The following ZNF723 variants were observed in gnomAD, a reference collection of about 807,000 sequenced individuals.
ZNF723 encodes the protein zinc finger protein 723, pseudogene.
ZNF723 carries 5 observed loss-of-function variants against 9.4 expected under a neutral mutation model. The ratio of observed to expected loss-of-function variants is 0.53; its 90% CI spans 0.28 to 1.12. The LOEUF (loss-of-function observed/expected upper bound fraction) is 1.12. ZNF723 is among the 50% of genes most tolerant of loss of function. The pLI is 0.10. For missense variants in ZNF723, 450 were observed against 501.5 expected, an observed-to-expected ratio of 0.90 and a Z score of 0.98; for synonymous variants, 158 against 168.8, an observed-to-expected ratio of 0.94 and a Z score of 0.49.
upstream of ZNF723, among the ~76,000 whole-genome samples, chr19:22,830,825 C>T (rs1439654012): frequency 6.6e-6 from 1 of 152,056 alleles, no homozygotes; most frequent in South Asian, 2.1e-4. Context: ...TGCAGTGGTG[C>T]GATCTTGGCT....
intron 2 of ZNF723, among the ~76,000 whole-genome samples, chr19:22,848,860 T>G (rs1451931011): frequency 6.6e-6 from 1 of 152,054 alleles, no homozygotes; most frequent in African/African-American, 2.4e-5. Context: ...GTTCAAGAGA[T>G]TCTCCAGCCT....
chr19:22,814,920 C>A, the ZNF723 span, among the ~76,000 whole-genome samples: 1 of 152,104 alleles, frequency 6.6e-6, no homozygotes, highest in African/African-American at 2.4e-5. Context: ...TTGGTCTCTG[C>A]CCAAGAACAG....
intron 1 of ZNF723, among the ~76,000 whole-genome samples, chr19:22,842,966 G>A (rs2169794): frequency 2.6e-5 from 4 of 151,956 alleles, no homozygotes; most frequent in African/African-American, 7.3e-5. Flanking sequence ...CTACAGTTAT[G>A]TGAGGGCCAC....
At chr19:22,840,861 C>T (rs1351338432) in intron 1 of ZNF723, 1 of 152,246 alleles carries the variant, frequency 6.6e-6, no homozygotes, top group African/African-American at 2.4e-5. Context: ...CTCCCATTCC[C>T]ATTATCGTGA....
At chr19:22,821,129 C>T in the ZNF723 span, among the ~76,000 whole-genome samples, 1 of 152,214 alleles carries the variant, frequency 6.6e-6, no homozygotes, top group Non-Finnish European at 1.5e-5. Context: ...GACGGTGACT[C>T]ATGTACTTGG....
chr19:22,850,396 G>A (rs1967377163), intron 3 of ZNF723, among the ~76,000 whole-genome samples: 1 of 150,040 alleles, frequency 6.7e-6, no homozygotes, highest in African/African-American at 2.5e-5. Flanking sequence ...TAGTAGAGCC[G>A]GGGTTTCACC....
chr19:22,852,967 A>G (rs1236243963), intron 3 of ZNF723, among the ~76,000 whole-genome samples: 2 of 151,870 alleles, frequency 1.3e-5, no homozygotes, highest in Non-Finnish European at 2.9e-5. Flanking sequence ...GTTGTTAAGA[A>G]TATTTTCTGC....
chr19:22,855,922 C>A (rs1182318746), intron 3 of ZNF723, among the ~76,000 whole-genome samples: 1 of 151,782 alleles, frequency 6.6e-6, no homozygotes, highest in East Asian at 1.9e-4. Flanking sequence ...TGAGCTTCTT[C>A]GTTTTTATTT....
intron 1 of ZNF723, chr19:22,841,055 G>A (rs533063606): frequency 6.6e-6 from 1 of 152,410 alleles, no homozygotes; most frequent in Admixed American, 6.5e-5. Flanking sequence ...AGAGGACATG[G>A]CCATCAGGAG....
the ZNF723 span, among the ~76,000 whole-genome samples, chr19:22,826,880 C>A: frequency 6.6e-6 from 1 of 152,158 alleles, no homozygotes; most frequent in South Asian, 2.1e-4. Context: ...AGATGAAGGG[C>A]TAATGTGAGT....
chr19:22,831,505 C>T (rs1967094290), upstream of ZNF723, among the ~76,000 whole-genome samples: 1 of 151,108 alleles, frequency 6.6e-6, no homozygotes, highest in Non-Finnish European at 1.5e-5. Context: ...TGCAGTGAGG[C>T]GAGACTGTTT....
chr19:22,829,410 G>A (rs1199050882), upstream of ZNF723, among the ~76,000 whole-genome samples: 2 of 151,364 alleles, frequency 1.3e-5, no homozygotes, highest in Non-Finnish European at 2.9e-5. Flanking sequence ...CTCAGCTTCT[G>A]GCGTAGCTGG....
the ZNF723 span, among the ~76,000 whole-genome samples, chr19:22,817,934 T>C: frequency 6.6e-6 from 1 of 152,116 alleles, no homozygotes; most frequent in African/African-American, 2.4e-5. Context: ...CCATTAGGAT[T>C]GATACTCTCA....
the ZNF723 span, among the ~76,000 whole-genome samples, chr19:22,819,328 T>C: frequency 6.6e-6 from 1 of 152,228 alleles, no homozygotes; most frequent in East Asian, 1.9e-4. Flanking sequence ...ATGACCTAGG[T>C]TACATGACTG....
upstream of ZNF723, among the ~76,000 whole-genome samples, chr19:22,830,041 G>GT (rs35701187): frequency 7.9e-4 from 119 of 150,148 alleles, 4 homozygotes; most frequent in South Asian, 0.021. Flanking sequence ...TTTCTCTAAA[G>GT]TTTTTTTTTT....
chr19:22,832,129 A>C (rs192012710), upstream of ZNF723, among the ~76,000 whole-genome samples: 16 of 152,164 alleles, frequency 1.1e-4, no homozygotes, highest in African/African-American at 3.6e-4. Flanking sequence ...TTAGGCTGTC[A>C]CTCTTTCTTC....
At chr19:22,832,225 A>T (rs373880107), upstream of ZNF723, 3 of 839,970 alleles carry the variant, frequency 3.6e-6, no homozygotes, top group East Asian at 7.7e-5. Flanking sequence ...GGGATGCTTG[A>T]CTAAGAGCCG....
At chr19:22,821,325 G>T in the ZNF723 span, among the ~76,000 whole-genome samples, 1 of 152,136 alleles carries the variant, frequency 6.6e-6, no homozygotes, top group Non-Finnish European at 1.5e-5. Flanking sequence ...CCTGGTGCAA[G>T]CATCTAAGGT....
In ZNF723 at chr19:22,857,864, C is replaced by G; in HGVS notation, c.973C>G (p.Pro325Ala). 1 of 1,337,598 alleles carries G rather than the reference C, an allele frequency of 7.5e-7. No individual in the cohort carries two copies. Among genetic ancestry groups the G allele is most frequent in the Non-Finnish European group, 1.0e-6 (1 of 953,558 alleles). The allele number at this position is 1,337,598 out of a possible 1,614,324, so 82.9% of individuals were successfully genotyped here. The change falls in exon 4 of 4, where the codon CCC (proline) becomes GCC (alanine). Residue 325 changes from proline (P) to alanine (A), a missense_variant. Physicochemically the swap from Pro to Ala is conservative, Grantham distance 27. Coordinates refer to ENST00000600766, the MANE Select transcript of ZNF723 (RefSeq NM_001349726.2). ...AGAATGTGGCAAAGCCTTTAACCAG[C>G]CCTCACACCTTGCTACACATAAGAG... ...CEECGKAFNQ[P>A]SHLATHKRIH...
Sources: gnomAD v4.1 joint callset for allele counts (sites outside exome capture counted in the v4.1 genomes callset) on GRCh38, gnomAD v4.1.1 for gene constraint, MANE v1.5 for transcripts, NCBI Gene and HGNC (gene_info 2026-07-23, HGNC 2026-07-21) for gene names.